Variants in PRKCB observed in about 807,000 individuals in gnomAD.
The protein encoded by PRKCB is protein kinase C beta type.
In PRKCB, 13 loss-of-function variants were observed where a neutral mutation model predicts 81.5. The ratio of observed to expected loss-of-function variants is 0.16; its 90% CI spans 0.10 to 0.25. The LOEUF is 0.25. Among genes scored for constraint, PRKCB ranks in the 10% least tolerant of loss-of-function variants. The probability of loss-of-function intolerance (pLI) is 1.00; values close to 1 mark genes in which losing one functional copy is unlikely to be tolerated. For synonymous variants in PRKCB, 335 were observed against 321.4 expected, an observed-to-expected ratio of 1.04 and a Z score of -0.45; for missense variants, 509 against 875.7, an observed-to-expected ratio of 0.58 and a Z score of 5.29.
In PRKCB at chr16:23,837,360, C is replaced by T. The variant is rs761275938; in HGVS notation, c.174-15C>T. On this transcript the variant is annotated splice_polypyrimidine_tract_variant and intron_variant, in intron 1 of 16. Transcript: ENST00000643927. Reference sequence around the variant, plus strand: ...CCCCGGGCTGCCTGACATACACCTCCTTCTGCTTTTGCAGGGGCTTCGGGA... The same window carrying T: ...CCCCGGGCTGCCTGACATACACCTCTTTCTGCTTTTGCAGGGGCTTCGGGA... 6.2e-7 allele frequency: 1 copy of T among 1,613,512 alleles called. No homozygotes were observed. The highest frequency in any genetic ancestry group is 1.3e-5 in the African/African-American group (1 of 74,896).
chr16:23,888,679 C>T (rs1471390481), intron 2 of PRKCB, among the ~76,000 whole-genome samples: 7 of 150,622 alleles, frequency 4.6e-5, no homozygotes, highest in Non-Finnish European at 2.9e-5. Flanking sequence ...TTCTCGACCA[C>T]AACCTGTCTG....
At chr16:24,187,545 T>G (rs1180671296) in intron 15 of PRKCB, among the ~76,000 whole-genome samples, 1 of 152,360 alleles carries the variant, frequency 6.6e-6, no homozygotes, top group East Asian at 1.9e-4. Flanking sequence ...AGGTTCCTCT[T>G]GGCATTTGAG....
chr16:23,860,091 A>T (rs781174496), intron 2 of PRKCB, among the ~76,000 whole-genome samples: 1 of 152,186 alleles, frequency 6.6e-6, no homozygotes, highest in African/African-American at 2.4e-5. Context: ...CCTGCATTCA[A>T]ATCTCATGAC....
intron 5 of PRKCB, among the ~76,000 whole-genome samples, chr16:24,083,279 G>C (rs182748621): frequency 2.4e-4 from 37 of 152,322 alleles, no homozygotes; most frequent in African/African-American, 7.9e-4. Context: ...CTCCGGGAAA[G>C]TGTGGCAGCT....
At chr16:23,931,141 A>G (rs891342884) in intron 2 of PRKCB, among the ~76,000 whole-genome samples, 1 of 152,238 alleles carries the variant, frequency 6.6e-6, no homozygotes, top group Non-Finnish European at 1.5e-5. Flanking sequence ...ACACGCTCAA[A>G]GACCTTACTG....
chr16:24,130,187 A>G (rs190210945), intron 9 of PRKCB, among the ~76,000 whole-genome samples: 86 of 152,350 alleles, frequency 5.6e-4, no homozygotes, highest in Non-Finnish European at 1.0e-4. Context: ...AAATGCAGCT[A>G]TCTTAAGTAT....
At chr16:23,936,579 A>ATTTTTTT (rs57643578) in intron 2 of PRKCB, among the ~76,000 whole-genome samples, 26 of 96,028 alleles carry the variant, frequency 2.7e-4, no homozygotes, top group African/African-American at 4.7e-4. Flanking sequence ...CACCCAACTA[A>ATTTTTTT]TTTTTTTTTT....
chr16:24,077,851 T>G (rs2141890037), intron 5 of PRKCB, among the ~76,000 whole-genome samples: 1 of 152,324 alleles, frequency 6.6e-6, no homozygotes, highest in South Asian at 2.1e-4. Context: ...AATCCTTGAA[T>G]TCCATGATTC....
chr16:24,130,304 T>C (rs891847337), intron 9 of PRKCB, among the ~76,000 whole-genome samples: 1 of 152,146 alleles, frequency 6.6e-6, no homozygotes, highest in African/African-American at 2.4e-5. Flanking sequence ...ATGTTTAGTA[T>C]GTTCCATGGG....
intron 2 of PRKCB, among the ~76,000 whole-genome samples, chr16:23,967,739 AC>A (rs777625590): frequency 2.0e-5 from 3 of 151,466 alleles, no homozygotes; most frequent in Non-Finnish European, 2.9e-5. Flanking sequence ...TGCAACCTCC[AC>A]CTCCCAGGTT....
At chr16:23,875,573 CAA>C (rs1428487411) in intron 2 of PRKCB, among the ~76,000 whole-genome samples, 5 of 6,014 alleles carry the variant, frequency 8.3e-4, no homozygotes, top group Admixed American at 1.7e-3. Flanking sequence ...ATGTGTATAT[CAA>C]ACACATATGT....
At chr16:23,911,302 AT>A (rs1468477873) in intron 2 of PRKCB, among the ~76,000 whole-genome samples, 1 of 151,240 alleles carries the variant, frequency 6.6e-6, no homozygotes, top group African/African-American at 2.4e-5. Flanking sequence ...TGATTTGTTT[AT>A]TTTTTGTAGA....
rs1360246337 is a variant in PRKCB at position 24,040,462 on chromosome 16, G to A, written c.529+4915G>A. Among the ~76,000 whole-genome samples the A allele has an allele frequency of 2.6e-5, 4 of 151,974 alleles. No homozygotes were observed. In the South Asian group the frequency reaches 6.2e-4, roughly 24 times the overall value. On this transcript the variant is annotated intron_variant, in intron 5 of 16. Transcript: ENST00000643927. ...AAGCTTCCTCCAACTTCCCCCTTTC[G>A]TAGACACTCATGGTAACCTGAGCTT...
At chr16:23,943,519 ACTCT>A (rs141537372) in intron 2 of PRKCB, among the ~76,000 whole-genome samples, 5 of 149,258 alleles carry the variant, frequency 3.3e-5, no homozygotes, top group South Asian at 4.3e-4. Flanking sequence ...ATAGAGTGAG[ACTCT>A]CTCTCTCTCT....
chr16:23,958,801 T>G (rs993051880), intron 2 of PRKCB, among the ~76,000 whole-genome samples: 1 of 150,924 alleles, frequency 6.6e-6, no homozygotes, highest in Non-Finnish European at 1.5e-5. Context: ...TTTAAGTACC[T>G]CCTTACCAAT....
intron 2 of PRKCB, among the ~76,000 whole-genome samples, chr16:23,887,972 G>A (rs1222928727): frequency 1.3e-5 from 2 of 152,096 alleles, no homozygotes; most frequent in Admixed American, 6.6e-5. Flanking sequence ...TCTCCAGCAG[G>A]GTCCCCATGA....
chr16:23,943,532 C>T (rs897710407), intron 2 of PRKCB, among the ~76,000 whole-genome samples: 2 of 152,088 alleles, frequency 1.3e-5, no homozygotes, highest in African/African-American at 4.8e-5. Flanking sequence ...CTCTCTCTCT[C>T]TCTTTTTAAA....
intron 16 of PRKCB, among the ~76,000 whole-genome samples, chr16:24,202,639 A>G (rs1213897412): frequency 6.6e-6 from 1 of 152,174 alleles, no homozygotes; most frequent in Non-Finnish European, 1.5e-5. Context: ...GACCTTCTAG[A>G]GAAGATGTGT....
chr16:24,079,594 C>G (rs1211905720), intron 5 of PRKCB, among the ~76,000 whole-genome samples: 2 of 152,118 alleles, frequency 1.3e-5, no homozygotes, highest in African/African-American at 2.4e-5. Context: ...AAAAATTGAT[C>G]AGGGTGACAA....
Sources: gnomAD v4.1 joint callset for allele counts (sites outside exome capture counted in the v4.1 genomes callset) on GRCh38, gnomAD v4.1.1 for gene constraint, MANE v1.5 for transcripts, NCBI Gene and HGNC (gene_info 2026-07-23, HGNC 2026-07-21) for gene names.